Variants in WDPCP observed in about 807,000 individuals in gnomAD.
The protein encoded by WDPCP is WD repeat-containing and planar cell polarity effector protein fritz homolog.
In WDPCP, 71 loss-of-function variants were observed where a neutral mutation model predicts 93.1. The ratio of observed to expected loss-of-function variants is 0.76; its 90% CI spans 0.63 to 0.93. The LOEUF is 0.93. Ranked by LOEUF, WDPCP falls within the 40% of genes least tolerant of loss-of-function variation. The probability of loss-of-function intolerance (pLI) is 0.00; values close to 1 mark genes in which losing one functional copy is unlikely to be tolerated. For synonymous variants in WDPCP, 315 were observed against 315.0 expected, an observed-to-expected ratio of 1.00 and a Z score of 0.00; for missense variants, 844 against 887.4, an observed-to-expected ratio of 0.95 and a Z score of 0.62.
intron 12 of WDPCP, among the ~76,000 whole-genome samples, chr2:63,370,139 C>G (rs1327279755): frequency 1.3e-5 from 2 of 152,112 alleles, no homozygotes; most frequent in Non-Finnish European, 2.9e-5. Flanking sequence ...AGTATAACAA[C>G]TTTTCTTCAA....
chr2:63,744,894 C>A (rs1356464608), intron 2 of WDPCP, among the ~76,000 whole-genome samples: 1 of 152,066 alleles, frequency 6.6e-6, no homozygotes, highest in Non-Finnish European at 1.5e-5. Flanking sequence ...TAAATATATT[C>A]TTTCAGATTA....
At chr2:63,643,773 G>A in intron 3 of WDPCP, 1 of 535,992 alleles carries the variant, frequency 1.9e-6, no homozygotes, top group Non-Finnish European at 3.8e-6. Flanking sequence ...TCTTGTCAAT[G>A]CTGATGACAT....
At chr2:63,361,409 T>C (rs765087566) in intron 12 of WDPCP, among the ~76,000 whole-genome samples, 1 of 152,194 alleles carries the variant, frequency 6.6e-6, no homozygotes, top group African/African-American at 2.4e-5. Flanking sequence ...ACAGCCTCAA[T>C]AGCTACAAAA....
chr2:63,675,610 C>T (rs1277376355), intron 2 of WDPCP, among the ~76,000 whole-genome samples: 2 of 151,990 alleles, frequency 1.3e-5, no homozygotes, highest in East Asian at 3.8e-4. Flanking sequence ...TATGCTTAGT[C>T]CTCCAAATTT....
intron 12 of WDPCP, among the ~76,000 whole-genome samples, chr2:63,343,287 T>C (rs1033655015): frequency 1.4e-5 from 2 of 146,748 alleles, no homozygotes; most frequent in Admixed American, 1.4e-4. Flanking sequence ...GGATTACAGG[T>C]GATTTTTTTT....
At chr2:63,710,369 A>G (rs1231760107) in intron 2 of WDPCP, among the ~76,000 whole-genome samples, 1 of 152,190 alleles carries the variant, frequency 6.6e-6, no homozygotes, top group Admixed American at 6.5e-5. Context: ...TCTGGTAAAC[A>G]TATCTTCTCC....
At chr2:63,156,102 C>A (rs1437848394) in intron 15 of WDPCP, among the ~76,000 whole-genome samples, 1 of 152,060 alleles carries the variant, frequency 6.6e-6, no homozygotes, top group Non-Finnish European at 1.5e-5. Flanking sequence ...CGGATTCCAG[C>A]GATTCTCCTG....
At chr2:63,153,447 A>G (rs751094446) in intron 16 of WDPCP, 48 bp downstream of exon 16, 1 of 1,436,202 alleles carries the variant, frequency 7.0e-7, no homozygotes, top group Non-Finnish European at 9.8e-7. Context: ...GCTATAACAT[A>G]GTTTTTCTGT....
chr2:63,557,206 CAG>C (rs1352263011), intron 1 of WDPCP, among the ~76,000 whole-genome samples: 1 of 152,184 alleles, frequency 6.6e-6, no homozygotes, highest in Non-Finnish European at 1.5e-5. Context: ...TTAAAAGACA[CAG>C]AATGACAAGC....
intron 2 of WDPCP, among the ~76,000 whole-genome samples, chr2:63,685,860 T>C (rs1054903902): frequency 2.0e-5 from 3 of 152,180 alleles, no homozygotes; most frequent in Admixed American, 1.3e-4. Flanking sequence ...AAAAAACATA[T>C]GATCATTTAA....
chr2:63,176,679 A>G (rs1457634967), intron 14 of WDPCP, among the ~76,000 whole-genome samples: 1 of 152,114 alleles, frequency 6.6e-6, no homozygotes, highest in African/African-American at 2.4e-5. Flanking sequence ...ATTTTCTCCC[A>G]TTCCTTAGGC....
At chr2:63,264,343 T>C (rs1042163064) in intron 13 of WDPCP, among the ~76,000 whole-genome samples, 3 of 152,192 alleles carry the variant, frequency 2.0e-5, no homozygotes, top group Non-Finnish European at 4.4e-5. Context: ...AGACAAGATA[T>C]ACTTTTAGTA....
chr2:63,564,687 A>T (rs1706893112), intron 1 of WDPCP: 1 of 152,238 alleles, frequency 6.6e-6, no homozygotes, highest in South Asian at 2.1e-4. Flanking sequence ...AATGACTATA[A>T]AACAAATGTA....
At chr2:63,532,544 G>A (rs187872499) in intron 1 of WDPCP, among the ~76,000 whole-genome samples, 21 of 152,276 alleles carry the variant, frequency 1.4e-4, no homozygotes, top group Admixed American at 1.0e-3. Context: ...AATACAGTGG[G>A]GGCCAATATT....
intron 2 of WDPCP, among the ~76,000 whole-genome samples, chr2:63,721,891 C>G (rs1040959514): frequency 5.1e-4 from 77 of 152,316 alleles, no homozygotes; most frequent in African/African-American, 1.8e-3. Flanking sequence ...AGGCTCGCGC[C>G]GCCACGCCTG....
At chr2:63,565,820 T>G (rs1316460462) in intron 1 of WDPCP, among the ~76,000 whole-genome samples, 1 of 152,190 alleles carries the variant, frequency 6.6e-6, no homozygotes, top group African/African-American at 2.4e-5. Flanking sequence ...AGGAGATTGA[T>G]TAGTCAAAAC....
exon 3 of WDPCP, chr2:63,650,761 T>C (rs921021714): frequency 6.6e-5 from 10 of 152,094 alleles, no homozygotes; most frequent in Non-Finnish European, 1.5e-4. Context: ...GACTTCATGG[T>C]GTTGGAAGGT....
intron 2 of WDPCP, among the ~76,000 whole-genome samples, chr2:63,784,294 AG>A (rs1670438521): frequency 6.6e-6 from 1 of 152,188 alleles, no homozygotes; most frequent in African/African-American, 2.4e-5. Context: ...GGGCATTCAA[AG>A]GAAGAGAGAA....
At chr2:63,245,079 C>T (rs1051935312) in intron 14 of WDPCP, among the ~76,000 whole-genome samples, 4 of 152,104 alleles carry the variant, frequency 2.6e-5, no homozygotes, top group Non-Finnish European at 2.9e-5. Context: ...AATGCATGCA[C>T]GCACAGTTTA....
Sources: gnomAD v4.1 joint callset for allele counts (sites outside exome capture counted in the v4.1 genomes callset) on GRCh38, gnomAD v4.1.1 for gene constraint, MANE v1.5 for transcripts, NCBI Gene and HGNC (gene_info 2026-07-23, HGNC 2026-07-21) for gene names.